Variants in COL19A1 observed in about 807,000 individuals in gnomAD.
COL19A1 encodes the protein collagen type XIX alpha 1 chain.
In COL19A1, 159 loss-of-function variants were observed where a neutral mutation model predicts 190.2. That is an observed-to-expected ratio of 0.84 (90% CI 0.73 to 0.95). The LOEUF (loss-of-function observed/expected upper bound fraction) is 0.95, where lower values mean the gene tolerates loss of function less well. Among genes scored for constraint, COL19A1 ranks in the 40% least tolerant of loss-of-function variants. The pLI is 0.00. For synonymous variants in COL19A1, 509 were observed against 458.9 expected, an observed-to-expected ratio of 1.11 and a Z score of -1.39; for missense variants, 1,418 against 1,431.9, an observed-to-expected ratio of 0.99 and a Z score of 0.16.
chr6:70,001,908 T>C (rs1031435335), intron 11 of COL19A1, among the ~76,000 whole-genome samples: 1 of 152,172 alleles, frequency 6.6e-6, no homozygotes, highest in Non-Finnish European at 1.5e-5. Flanking sequence ...CTATGTTGAA[T>C]AGGAGTTGTG....
intron 40 of COL19A1, among the ~76,000 whole-genome samples, chr6:70,171,576 C>G (rs1765502945): frequency 6.6e-6 from 1 of 152,138 alleles, no homozygotes; most frequent in African/African-American, 2.4e-5. Context: ...TACTCTTAAA[C>G]AGTTTATTCT....
chr6:70,153,574 T>A (rs553156427), intron 31 of COL19A1, among the ~76,000 whole-genome samples: 1 of 152,176 alleles, frequency 6.6e-6, no homozygotes, highest in East Asian at 1.9e-4. Context: ...ATGTTTATCA[T>A]AATGATTATC....
At chr6:70,048,149 G>A (rs796135167) in intron 14 of COL19A1, among the ~76,000 whole-genome samples, 5 of 152,114 alleles carry the variant, frequency 3.3e-5, no homozygotes, top group South Asian at 2.1e-4. Context: ...GAGAAATTAC[G>A]CACAGAGAGG....
At chr6:69,937,247 C>T (rs890503863) in intron 8 of COL19A1, among the ~76,000 whole-genome samples, 5 of 152,122 alleles carry the variant, frequency 3.3e-5, no homozygotes, top group African/African-American at 1.2e-4. Flanking sequence ...TTGAAGAAAA[C>T]ACAGTGCCTG....
chr6:70,028,568 A>T (rs575493829), intron 12 of COL19A1, among the ~76,000 whole-genome samples: 1 of 152,182 alleles, frequency 6.6e-6, no homozygotes, highest in South Asian at 2.1e-4. Flanking sequence ...CTTTTTTTGG[A>T]AGAAGATTTC....
intron 4 of COL19A1, among the ~76,000 whole-genome samples, chr6:69,920,147 T>C (rs190309137): frequency 6.6e-6 from 1 of 152,302 alleles, no homozygotes; most frequent in East Asian, 1.9e-4. Flanking sequence ...TAAAAATCTT[T>C]CTTAATCTTA....
At chr6:69,917,096 G>GAC (rs1371819193) in intron 4 of COL19A1, among the ~76,000 whole-genome samples, 3 of 152,158 alleles carry the variant, frequency 2.0e-5, no homozygotes, top group Non-Finnish European at 4.4e-5. Context: ...CATTTCCAAG[G>GAC]ACTTGAAGAC....
At chr6:69,898,232 G>A (rs930826277) in intron 2 of COL19A1, among the ~76,000 whole-genome samples, 26 of 152,100 alleles carry the variant, frequency 1.7e-4, no homozygotes, top group African/African-American at 6.3e-4. Context: ...TCAAAAATTG[G>A]CTGTAATTTT....
intron 18 of COL19A1, among the ~76,000 whole-genome samples, chr6:70,136,624 T>C (rs1375075751): frequency 6.6e-6 from 1 of 152,142 alleles, no homozygotes; most frequent in African/African-American, 2.4e-5. Context: ...AAAAGTACAA[T>C]AATATAAACT....
At chr6:70,040,541 G>A (rs1779586690) in intron 14 of COL19A1, among the ~76,000 whole-genome samples, 1 of 152,158 alleles carries the variant, frequency 6.6e-6, no homozygotes. Flanking sequence ...TTCAAATGCA[G>A]TTTGCAATAT....
chr6:69,946,497 G>A (rs182895603), intron 9 of COL19A1, among the ~76,000 whole-genome samples: 96 of 152,036 alleles, frequency 6.3e-4, no homozygotes, highest in African/African-American at 2.0e-3. Flanking sequence ...AATATGTCTA[G>A]TTTTAGTTAT....
At chr6:70,056,755 C>T (rs1389533490) in intron 14 of COL19A1, among the ~76,000 whole-genome samples, 1 of 152,088 alleles carries the variant, frequency 6.6e-6, no homozygotes, top group Non-Finnish European at 1.5e-5. Flanking sequence ...AGAGACGATA[C>T]TTCAATCTAT....
intron 11 of COL19A1, among the ~76,000 whole-genome samples, chr6:69,973,682 A>T (rs1326741328): frequency 6.6e-6 from 1 of 152,230 alleles, no homozygotes; most frequent in Non-Finnish European, 1.5e-5. Context: ...TACAATCATC[A>T]AATATCCATA....
At chr6:69,877,876 G>A (rs1218392702) in intron 1 of COL19A1, among the ~76,000 whole-genome samples, 3 of 151,878 alleles carry the variant, frequency 2.0e-5, no homozygotes, top group South Asian at 2.1e-4. Context: ...ATAGTGGCAA[G>A]TGCCTGTAAT....
At chr6:69,940,222 G>A (rs546415381) in intron 9 of COL19A1, among the ~76,000 whole-genome samples, 202 of 151,992 alleles carry the variant, frequency 1.3e-3, no homozygotes, top group African/African-American at 4.7e-3. Flanking sequence ...TTTCCCCCTC[G>A]ATTCCCTTTA....
intron 13 of COL19A1, among the ~76,000 whole-genome samples, chr6:70,034,715 TA>T (rs1163031843): frequency 2.0e-5 from 3 of 152,188 alleles, no homozygotes; most frequent in Non-Finnish European, 4.4e-5. Context: ...CTTTTTCTCA[TA>T]AAATAAGTTA....
At chr6:69,993,695 G>C (rs1241591496) in intron 11 of COL19A1, among the ~76,000 whole-genome samples, 1 of 152,016 alleles carries the variant, frequency 6.6e-6, no homozygotes, top group African/African-American at 2.4e-5. Context: ...GAGGTTGTCT[G>C]TTTCTAGGAG....
chr6:69,898,699 G>C (rs1297488431), intron 2 of COL19A1, among the ~76,000 whole-genome samples: 1 of 152,114 alleles, frequency 6.6e-6, no homozygotes, highest in Non-Finnish European at 1.5e-5. Flanking sequence ...TCAAATAATA[G>C]TTATAATAAT....
At chr6:70,061,810 G>C (rs1780844598) in intron 14 of COL19A1, among the ~76,000 whole-genome samples, 2 of 152,010 alleles carry the variant, frequency 1.3e-5, no homozygotes. Flanking sequence ...AGAGAGAAGA[G>C]TTTAATCTAG....
Sources: allele counts gnomAD v4.1 joint callset (sites outside exome capture counted in the v4.1 genomes callset), GRCh38; gene constraint gnomAD v4.1.1; transcripts MANE v1.5; gene names NCBI Gene and HGNC (gene_info 2026-07-23, HGNC 2026-07-21).